Variants in FRMD3 observed in about 807,000 individuals in gnomAD.
The protein encoded by FRMD3 is FERM domain containing 3.
FRMD3 carries 33 observed loss-of-function variants against 70.2 expected under a neutral mutation model. The ratio of observed to expected loss-of-function variants is 0.47; its 90% confidence interval spans 0.36 to 0.63. The LOEUF (loss-of-function observed/expected upper bound fraction) is 0.63. FRMD3 is among the 20% of genes least tolerant of loss of function. The pLI is 0.00. For synonymous variants in FRMD3, 279 were observed against 255.9 expected, an observed-to-expected ratio of 1.09 and a Z score of -0.86; for missense variants, 632 against 711.4, an observed-to-expected ratio of 0.89 and a Z score of 1.27.
intron 1 of FRMD3, among the ~76,000 whole-genome samples, chr9:83,493,806 C>A (rs1014044334): frequency 1.7e-4 from 26 of 152,188 alleles, no homozygotes; most frequent in African/African-American, 6.0e-4. Flanking sequence ...TCCCTTCACA[C>A]GCAGCTCAAG....
At chr9:83,505,040 C>A (rs1829151569) in intron 1 of FRMD3, among the ~76,000 whole-genome samples, 1 of 151,516 alleles carries the variant, frequency 6.6e-6, no homozygotes, top group Non-Finnish European at 1.5e-5. Flanking sequence ...ATTCTTATGG[C>A]AAAAAAAATG....
chr9:83,338,398 CA>C (rs541133435), intron 5 of FRMD3, among the ~76,000 whole-genome samples: 348 of 151,428 alleles, frequency 2.3e-3, no homozygotes, highest in African/African-American at 8.0e-3. Context: ...ACTCTAGGTG[CA>C]AAAAAAGGAT....
intron 12 of FRMD3, among the ~76,000 whole-genome samples, chr9:83,293,211 G>T (rs1298043195): frequency 6.6e-6 from 1 of 152,114 alleles, no homozygotes; most frequent in Non-Finnish European, 1.5e-5. Flanking sequence ...ATAAAAATTC[G>T]CCATGAGCAG....
chr9:83,309,657 C>A (rs372381028), intron 9 of FRMD3, 33 bp from the exon 10 acceptor site: 30 of 1,344,262 alleles, frequency 2.2e-5, no homozygotes, highest in African/African-American at 8.9e-5. Flanking sequence ...AGAAAAGGCA[C>A]GTAAAATACC....
chr9:83,538,890 T>G (rs1348306102), upstream of FRMD3, among the ~76,000 whole-genome samples: 1 of 152,002 alleles, frequency 6.6e-6, no homozygotes, highest in African/African-American at 2.4e-5. The surrounding 1 kb of genome is among the most constrained non-coding windows in gnomAD (Gnocchi z 4.7). Flanking sequence ...CCAGGGCGAG[T>G]GACAGAGAGA....
intron 3 of FRMD3, among the ~76,000 whole-genome samples, chr9:83,360,584 T>C (rs1160979101): frequency 1.3e-5 from 2 of 152,122 alleles, no homozygotes; most frequent in African/African-American, 4.8e-5. Flanking sequence ...CTGAAAGTAC[T>C]GCCCCAGAGA....
chr9:83,388,136 C>T (rs1433503860), intron 2 of FRMD3, among the ~76,000 whole-genome samples: 1 of 152,178 alleles, frequency 6.6e-6, no homozygotes, highest in East Asian at 1.9e-4. Context: ...TGCATCCCTT[C>T]ATATAAACTT....
At chr9:83,363,263 T>C (rs1045700628) in intron 3 of FRMD3, among the ~76,000 whole-genome samples, 1 of 152,198 alleles carries the variant, frequency 6.6e-6, no homozygotes, top group African/African-American at 2.4e-5. Flanking sequence ...GAAAAAATTC[T>C]ATTTTTATAT....
intron 6 of FRMD3, among the ~76,000 whole-genome samples, chr9:83,316,161 C>CT (rs34851421): frequency 0.17 from 18,818 of 112,542 alleles, 1,686 homozygotes; most frequent in Admixed American, 0.19. Flanking sequence ...TTTTTTTTTT[C>CT]TTTTTTTTTT....
At chr9:83,353,799 C>T (rs12346118) in intron 3 of FRMD3, among the ~76,000 whole-genome samples, 15,191 of 152,224 alleles carry the variant, frequency 0.1, 782 homozygotes, top group East Asian at 0.15. Context: ...GTTACGATAG[C>T]TACTTCTAGA....
At position 83,502,249 on chromosome 9, in the gene FRMD3, C is replaced by T. The variant is rs146356369; in HGVS notation, c.147+35836G>A. 1.4e-3 allele frequency among the ~76,000 whole-genome samples: 210 copies of T among 152,208 alleles called. 1 individual carries two copies. The East Asian group carries it at 0.036, about 26-fold the overall frequency. The stretch of plus-strand genomic sequence containing the variant: ...TGTGTACCGGGTAGTGTGCTAGGAG[C>T]TAAGGACACAGTGGTGAGTGCAACA... On this transcript the variant is annotated intron_variant, in intron 1 of 13. Transcript: ENST00000304195.
rs191091025 is a variant in FRMD3, at chr9:83,488,724, G to A, written c.147+49361C>T. 4.6e-5 allele frequency among the ~76,000 whole-genome samples: 7 copies of A among 152,252 alleles called. No homozygotes were observed. The East Asian group carries it at 1.4e-3, about 29-fold the overall frequency. On this transcript the variant is annotated intron_variant, in intron 1 of 13. Coordinates refer to ENST00000304195, the MANE Select transcript of FRMD3 (RefSeq NM_174938.6). ...GGGCAGGGACCTTGTCTCATTCATT[G>A]ACAAATCTCCTTCCAAGTTCCCAGG...
intron 1 of FRMD3, among the ~76,000 whole-genome samples, chr9:83,430,835 G>T (rs980233785): frequency 2.0e-5 from 3 of 152,226 alleles, no homozygotes; most frequent in African/African-American, 4.8e-5. Flanking sequence ...TCACCCCTGT[G>T]CAGGGAGCTG....
At chr9:83,489,605 T>A (rs1437593094) in intron 1 of FRMD3, among the ~76,000 whole-genome samples, 2 of 152,040 alleles carry the variant, frequency 1.3e-5, no homozygotes, top group Non-Finnish European at 2.9e-5. Flanking sequence ...AATCAAAAAA[T>A]AACAGATGCT....
rs895768528 is a variant in FRMD3 at position 83,498,940 on chromosome 9, T to C, written c.147+39145A>G. Among the ~76,000 whole-genome samples the C allele has an allele frequency of 2.0e-5, 3 of 152,156 alleles. No homozygotes were observed. The South Asian group carries it at 6.2e-4, about 32-fold the overall frequency. On this transcript the variant is annotated intron_variant, in intron 1 of 13. Coordinates refer to ENST00000304195, the MANE Select transcript of FRMD3 (RefSeq NM_174938.6). ...TACTGTAAGATCTACCATATGATAA[T>C]AGCTCTTCAGGCTTTCGAGATGAGG...
In FRMD3 at chr9:83,247,329, T is replaced by C. The variant is rs1323733839; in HGVS notation, c.*589A>G. The C allele has an allele frequency of 2.0e-6, 2 of 983,990 alleles. No individual in the cohort carries two copies. Among genetic ancestry groups the C allele is most frequent in the African/African-American group, 1.8e-5 (1 of 56,996 alleles). 61.0% of individuals were successfully genotyped at this position (983,990 alleles called of 1,614,324 possible). A position where few individuals can be genotyped will look rare whatever the true frequency, so the allele number is the denominator to read the frequency against. On this transcript the variant is annotated 3_prime_UTR_variant, in exon 14 of 14. Transcript: ENST00000304195. ...CCAAAACATTAAAAAAATTCTGATATACCTTTTGTGCATTAGTCTTACAAT... is the reference window on the plus strand; with the variant it reads ...CCAAAACATTAAAAAAATTCTGATACACCTTTTGTGCATTAGTCTTACAAT...
the FRMD3 span, among the ~76,000 whole-genome samples, chr9:83,580,209 GA>G: frequency 6.6e-6 from 1 of 152,030 alleles, no homozygotes; most frequent in Non-Finnish European, 1.5e-5. Context: ...TAGCCATCAT[GA>G]AAAAATTGTG....
At chr9:83,514,941 G>A (rs902368614) in intron 1 of FRMD3, among the ~76,000 whole-genome samples, 5 of 152,106 alleles carry the variant, frequency 3.3e-5, no homozygotes, top group Non-Finnish European at 7.4e-5. Context: ...GGCTGACCAC[G>A]CAATAACTCC....
chr9:83,319,859 T>C (rs1281569328), intron 6 of FRMD3, among the ~76,000 whole-genome samples: 2 of 152,200 alleles, frequency 1.3e-5, no homozygotes, highest in African/African-American at 4.8e-5. Flanking sequence ...CCACCATAAT[T>C]GTGAGGCCTC....
Sources: allele counts gnomAD v4.1 joint callset (sites outside exome capture counted in the v4.1 genomes callset), GRCh38; gene constraint gnomAD v4.1.1; non-coding constraint Gnocchi (gnomAD v3.1); transcripts MANE v1.5; gene names NCBI Gene and HGNC (gene_info 2026-07-23, HGNC 2026-07-21).